GALNTL6: variants seen among roughly 807,000 people sequenced by gnomAD.
GALNTL6 encodes polypeptide N-acetylgalactosaminyltransferase-like 6.
In GALNTL6, 46 loss-of-function variants were observed where a neutral mutation model predicts 73.7. The observed-to-expected ratio is 0.62, with a 90% CI of 0.49 to 0.80. The LOEUF (loss-of-function observed/expected upper bound fraction) is 0.80, where lower values mean the gene tolerates loss of function less well. Ranked by LOEUF, GALNTL6 falls within the 30% of genes least tolerant of loss-of-function variation. GALNTL6 has a pLI of 0.00. For missense variants in GALNTL6, 604 were observed against 755.0 expected (o/e 0.80, Z 2.34); for synonymous variants, 259 against 263.7 (o/e 0.98, Z 0.17).
At chr4:172,037,982 G>T (rs1204976463) in intron 2 of GALNTL6, among the ~76,000 whole-genome samples, 2 of 152,072 alleles carry the variant, frequency 1.3e-5, no homozygotes, top group Non-Finnish European at 2.9e-5. Context: ...AGCTGGGAGT[G>T]GTGGCACACG....
chr4:171,914,314 C>A (rs892618843), intron 2 of GALNTL6, among the ~76,000 whole-genome samples: 1 of 151,566 alleles, frequency 6.6e-6, no homozygotes, highest in African/African-American at 2.4e-5. Flanking sequence ...GTGGTTATCC[C>A]GACAAGAAAG....
chr4:171,863,739 A>G (rs951505210), intron 2 of GALNTL6, among the ~76,000 whole-genome samples: 5 of 151,928 alleles, frequency 3.3e-5, no homozygotes, highest in African/African-American at 1.2e-4. Flanking sequence ...AATAATGATA[A>G]TACCTGAGGA....
At chr4:172,248,075 C>A (rs1349037807) in intron 3 of GALNTL6, among the ~76,000 whole-genome samples, 1 of 149,746 alleles carries the variant, frequency 6.7e-6, no homozygotes, top group South Asian at 2.1e-4. Flanking sequence ...AATAGACAGT[C>A]CTCATAAGGT....
chr4:172,469,928 A>G (rs1397936893), intron 5 of GALNTL6, among the ~76,000 whole-genome samples: 2 of 152,206 alleles, frequency 1.3e-5, no homozygotes, highest in Non-Finnish European at 2.9e-5. Context: ...TGGATTTACT[A>G]CTATTGTTAG....
chr4:172,345,094 GT>G (rs34057253), intron 4 of GALNTL6, among the ~76,000 whole-genome samples: 22,663 of 141,476 alleles, frequency 0.16, 1,695 homozygotes, highest in African/African-American at 0.24. Context: ...AAGAGGTATT[GT>G]TTTTTTTTTT....
At chr4:172,193,767 G>A (rs1473142706) in intron 2 of GALNTL6, among the ~76,000 whole-genome samples, 2 of 152,164 alleles carry the variant, frequency 1.3e-5, no homozygotes, top group Non-Finnish European at 1.5e-5. Flanking sequence ...GGAGGCTGAG[G>A]CAGGAGAATG....
intron 8 of GALNTL6, among the ~76,000 whole-genome samples, chr4:172,892,554 C>T (rs1272643767): frequency 6.6e-6 from 1 of 151,234 alleles, no homozygotes; most frequent in African/African-American, 2.4e-5. Context: ...AGGCTCTTAG[C>T]CAAGCTCCTC....
intron 5 of GALNTL6, among the ~76,000 whole-genome samples, chr4:172,400,623 C>T (rs566439633): frequency 1.3e-5 from 2 of 152,030 alleles, no homozygotes; most frequent in South Asian, 2.1e-4. Flanking sequence ...GAAGGTGATG[C>T]GTGTGGCAGG....
chr4:172,310,645 C>G (rs1188748624), intron 3 of GALNTL6, among the ~76,000 whole-genome samples: 2 of 151,982 alleles, frequency 1.3e-5, no homozygotes, highest in Non-Finnish European at 2.9e-5. Context: ...TCGCACTTCT[C>G]ACACCAAAAC....
In GALNTL6 at chr4:172,377,031, G is replaced by A. The variant is rs376789103; in HGVS notation, c.553+28342G>A. Among the ~76,000 whole-genome samples, 49 of 152,212 alleles carry A rather than the reference G, an allele frequency of 3.2e-4. 1 individual carries two copies. Among genetic ancestry groups the A allele is most frequent in the African/African-American group, 1.1e-3 (46 of 41,536 alleles). ...AGCAGCAAGATTTATTGTGAAGAGC[G>A]AAAGAACAAAGCTTCCACAGTGTGG... On this transcript the variant is annotated intron_variant, in intron 5 of 12. Transcript: ENST00000506823.
chr4:172,946,246 A>G (rs1749161176), intron 9 of GALNTL6, among the ~76,000 whole-genome samples: 1 of 152,194 alleles, frequency 6.6e-6, no homozygotes, highest in African/African-American at 2.4e-5. Flanking sequence ...GCCAGGACAC[A>G]TGTAATAATC....
intron 5 of GALNTL6, among the ~76,000 whole-genome samples, chr4:172,481,645 G>A (rs547033067): frequency 2.0e-5 from 3 of 151,880 alleles, no homozygotes; most frequent in African/African-American, 7.3e-5. Flanking sequence ...ATTTACAATC[G>A]TCTAGCTAGA....
chr4:172,042,455 T>C (rs192161905), intron 2 of GALNTL6, among the ~76,000 whole-genome samples: 65 of 152,144 alleles, frequency 4.3e-4, no homozygotes, highest in African/African-American at 1.4e-3. Flanking sequence ...TATATCCAAT[T>C]GCTCATTAAG....
At chr4:172,370,607 G>A (rs1742763697) in intron 5 of GALNTL6, among the ~76,000 whole-genome samples, 1 of 141,054 alleles carries the variant, frequency 7.1e-6, no homozygotes, top group South Asian at 2.3e-4. Flanking sequence ...CTCCAGCGTG[G>A]GCGACAGAGT....
At chr4:172,435,764 C>T (rs1043780914) in intron 5 of GALNTL6, among the ~76,000 whole-genome samples, 6 of 151,794 alleles carry the variant, frequency 4.0e-5, no homozygotes, top group Non-Finnish European at 8.8e-5. Flanking sequence ...AGAAAAGCAC[C>T]GAAGATATAA....
At chr4:172,033,093 CT>C (rs1172177285) in intron 2 of GALNTL6, among the ~76,000 whole-genome samples, 3 of 151,838 alleles carry the variant, frequency 2.0e-5, no homozygotes, top group South Asian at 2.1e-4. Flanking sequence ...TTCAGTCCCC[CT>C]ATTACTGTCT....
chr4:171,874,979 T>C (rs555061826), intron 2 of GALNTL6, among the ~76,000 whole-genome samples: 13 of 152,284 alleles, frequency 8.5e-5, no homozygotes, highest in African/African-American at 2.9e-4. Context: ...AGCTGTATTA[T>C]AGGCAAAAAC....
intron 4 of GALNTL6, among the ~76,000 whole-genome samples, chr4:172,324,969 A>G (rs186067191): frequency 4.7e-4 from 72 of 151,666 alleles, no homozygotes; most frequent in Non-Finnish European, 9.9e-4. Context: ...TTAAATTTGT[A>G]AAGAAAATTT....
At chr4:172,210,881 A>G (rs1430587264) in intron 2 of GALNTL6, among the ~76,000 whole-genome samples, 1 of 152,222 alleles carries the variant, frequency 6.6e-6, no homozygotes, top group African/African-American at 2.4e-5. Flanking sequence ...TTATATCAGT[A>G]TAGTCTCACA....
Sources: gnomAD v4.1 joint callset for allele counts (sites outside exome capture counted in the v4.1 genomes callset) on GRCh38, gnomAD v4.1.1 for gene constraint, MANE v1.5 for transcripts, NCBI Gene and HGNC (gene_info 2026-07-23, HGNC 2026-07-21) for gene names.